The following CFAP43 variants were observed in gnomAD, a reference collection of about 807,000 sequenced individuals.
CFAP43 encodes cilia- and flagella-associated protein 43.
CFAP43 carries 155 observed loss-of-function variants against 218.9 expected under a neutral mutation model. The observed-to-expected ratio is 0.71, with a 90% CI of 0.62 to 0.81. CFAP43 has a LOEUF of 0.81. CFAP43 is among the 30% of genes least tolerant of loss of function. The pLI is 0.00. For missense variants in CFAP43, 1,778 were observed against 1,954.3 expected (o/e 0.91, Z 1.70); for synonymous variants, 645 against 681.3 (o/e 0.95, Z 0.83).
At chr10:104,139,461 A>G (rs888961800) in intron 34 of CFAP43, among the ~76,000 whole-genome samples, 2 of 152,222 alleles carry the variant, frequency 1.3e-5, no homozygotes, top group Non-Finnish European at 2.9e-5. Flanking sequence ...GCTGAAAAAC[A>G]AATAAAAAAT....
chr10:104,219,071 C>G (rs2091105224), intron 3 of CFAP43, among the ~76,000 whole-genome samples: 1 of 152,106 alleles, frequency 6.6e-6, no homozygotes, highest in Non-Finnish European at 1.5e-5. Context: ...TTGTTCATCT[C>G]AAGCACTCTC....
intron 12 of CFAP43, among the ~76,000 whole-genome samples, chr10:104,190,128 T>C (rs1589742553): frequency 9.9e-6 from 1 of 100,826 alleles, no homozygotes; most frequent in African/African-American, 4.1e-5. Flanking sequence ...AGAGCGAGAC[T>C]CCATCTCAAA....
chr10:104,149,706 G>A (rs1414136249), intron 28 of CFAP43, among the ~76,000 whole-genome samples: 3 of 152,042 alleles, frequency 2.0e-5, no homozygotes, highest in Non-Finnish European at 4.4e-5. Flanking sequence ...TAGTCTGTTA[G>A]TTTCCTCATT....
At chr10:104,131,207 A>G (rs940328282) in intron 37 of CFAP43, 124 bp downstream of exon 37, 3 of 1,214,492 alleles carry the variant, frequency 2.5e-6, no homozygotes, top group South Asian at 2.9e-5. Context: ...AAAAGTTGAA[A>G]TTATTTTAAA....
intron 21 of CFAP43, among the ~76,000 whole-genome samples, chr10:104,168,489 G>A (rs2089275656): frequency 2.0e-5 from 3 of 152,140 alleles, no homozygotes; most frequent in Admixed American, 2.0e-4. Context: ...TGCAGTGGGT[G>A]CCTGAGAGGA....
chr10:104,196,881 C>T lies in CFAP43; in HGVS notation c.1265G>A (p.Cys422Tyr). 1 of 1,613,046 alleles carries T rather than the reference C, an allele frequency of 6.2e-7. No individual in the cohort carries two copies. The highest frequency in any genetic ancestry group is 1.1e-5 in the South Asian group (1 of 90,932). The change falls in exon 10 of 38, where the codon TGT becomes TAT. Residue 422 changes from cysteine to tyrosine, a missense_variant. Coordinates refer to ENST00000357060, the MANE Select transcript of CFAP43 (RefSeq NM_025145.7). ...ICVWWLEDCA[C>Y]VSKIYLNTLA... ...GGTATTCAGATAAATCTTGCTTACA[C>T]AAGCACAATCCTCCAGCCACCAAAC...
At chr10:104,161,396 C>T (rs1199038100) in intron 26 of CFAP43, among the ~76,000 whole-genome samples, 2 of 152,104 alleles carry the variant, frequency 1.3e-5, no homozygotes, top group Non-Finnish European at 2.9e-5. Context: ...GTGATAGACT[C>T]AGAGGGGTGT....
chr10:104,200,659 A>G (rs928441139), intron 8 of CFAP43, among the ~76,000 whole-genome samples: 1 of 144,942 alleles, frequency 6.9e-6, no homozygotes, highest in African/African-American at 2.6e-5. Context: ...TGACAGAGCA[A>G]GACTCTGTCT....
At chr10:104,150,539 C>T (rs2088202547) in intron 28 of CFAP43, among the ~76,000 whole-genome samples, 1 of 152,112 alleles carries the variant, frequency 6.6e-6, no homozygotes, top group Non-Finnish European at 1.5e-5. Flanking sequence ...TAAATGTAAC[C>T]TTTTCAGTGT....
Position 104,161,104 on chromosome 10 carries a change from C to T in CFAP43, c.3473G>A (p.Arg1158Lys). 6.2e-7 allele frequency: 1 copy of T among 1,613,496 alleles called. No individual in the cohort carries two copies. Among genetic ancestry groups the T allele is most frequent in the Non-Finnish European group, 8.5e-7 (1 of 1,179,706 alleles). Residue 1158 changes from arginine to lysine, a missense_variant, in exon 27 of 38, where the codon AGA (arginine) becomes AAA (lysine). Arg to Lys is a conservative substitution (Grantham distance 26, BLOSUM62 2). Coordinates refer to ENST00000357060, the MANE Select transcript of CFAP43 (RefSeq NM_025145.7). ...KPDAVWTEEE[R>K]KQFKDYEKKV... The stretch of plus-strand genomic sequence containing the variant: ...TTTCTCATAATCTTTGAATTGTTTT[C>T]TTTCTTCTTCAGTCCACACAGCATC...
intron 8 of CFAP43, among the ~76,000 whole-genome samples, chr10:104,200,670 C>CAAA (rs71022722): frequency 3.1e-4 from 7 of 22,630 alleles, no homozygotes; most frequent in East Asian, 1.2e-3. Flanking sequence ...GACTCTGTCT[C>CAAA]AAAAAAAAAA....
intron 17 of CFAP43, among the ~76,000 whole-genome samples, chr10:104,181,754 G>A (rs1400629313): frequency 5.3e-5 from 8 of 152,092 alleles, no homozygotes; most frequent in Non-Finnish European, 1.5e-5. Context: ...TTTTAATTCA[G>A]ATCTCAGCTT....
chr10:104,224,267 TCTC>T (rs2091254421), intron 3 of CFAP43, among the ~76,000 whole-genome samples: 1 of 151,648 alleles, frequency 6.6e-6, no homozygotes, highest in African/African-American at 2.4e-5. Context: ...ATGGTCTCGA[TCTC>T]CTGACCTCGT....
At chr10:104,134,597 A>G (rs1188766276) in intron 34 of CFAP43, among the ~76,000 whole-genome samples, 1 of 152,188 alleles carries the variant, frequency 6.6e-6, no homozygotes, top group Non-Finnish European at 1.5e-5. Context: ...AGAGAATACT[A>G]TGAAAATTCT....
chr10:104,178,082 T>C (rs2089693731), intron 19 of CFAP43, among the ~76,000 whole-genome samples: 1 of 152,110 alleles, frequency 6.6e-6, no homozygotes, highest in African/African-American at 2.4e-5. Flanking sequence ...CAGTCCTGCA[T>C]AGGAAGCTAC....
intron 17 of CFAP43, among the ~76,000 whole-genome samples, chr10:104,180,515 G>A (rs2134872450): frequency 6.9e-6 from 1 of 145,200 alleles, no homozygotes; most frequent in South Asian, 2.2e-4. Flanking sequence ...GTATGATCTT[G>A]GCTCACTGCA....
At chr10:104,152,226 ATTACAATTCAG>A (rs1382495200) in intron 28 of CFAP43, among the ~76,000 whole-genome samples, 2 of 152,226 alleles carry the variant, frequency 1.3e-5, no homozygotes, top group Non-Finnish European at 2.9e-5. Flanking sequence ...TCTCACATAA[ATTACAATTCAG>A]TAGCAATGAA....
At position 104,133,715 on chromosome 10, in the gene CFAP43, C is replaced by T; in HGVS notation, c.4501G>A (p.Glu1501Lys). ...KDVHKRILQIEWEHKKMEMER... is the reference protein window; with the variant it reads ...KDVHKRILQIKWEHKKMEMER... Reference sequence around the variant, plus strand: ...ATCTCCATTTTCTTATGTTCCCACTCAATCTGAAGTATTCTTTTGTGTACA... The same window carrying T: ...ATCTCCATTTTCTTATGTTCCCACTTAATCTGAAGTATTCTTTTGTGTACA... Residue 1501 changes from glutamate to lysine, a missense_variant, in exon 35 of 38, where the codon GAG becomes AAG. Physicochemically the swap from Glu to Lys is moderately conservative, Grantham distance 56 (BLOSUM62 1). This residue lies in a region of CFAP43 where 211 missense variants were observed against 230.6 expected (regional missense o/e 0.91). Transcript: ENST00000357060. The T allele has an allele frequency of 1.2e-6, 2 of 1,613,762 alleles. No individual in the cohort carries two copies. The highest frequency in any genetic ancestry group is 1.7e-6 in the Non-Finnish European group (2 of 1,179,858).
At position 104,130,201 on chromosome 10, in the gene CFAP43, T is replaced by C. The variant is rs772653200; in HGVS notation, c.4936A>G (p.Ile1646Val). Reference protein sequence around the residue: ...ISKQQAEQISILQTEVERLRM... With the variant: ...ISKQQAEQISVLQTEVERLRM... ...AATCTTTCAACTTCAGTCTGTAGTA[T>C]TGAAATCTGTTCAGCTTGTTGTTTT... The change falls in exon 38 of 38, where the codon ATA (isoleucine) becomes GTA (valine). Residue 1646 changes from isoleucine (I) to valine (V), a missense_variant. Transcript: ENST00000357060. 6 of 1,612,624 alleles carry C rather than the reference T, an allele frequency of 3.7e-6. No individual in the cohort carries two copies. The highest frequency in any genetic ancestry group is 1.1e-5 in the South Asian group (1 of 90,558).
Sources: allele counts gnomAD v4.1 joint callset (sites outside exome capture counted in the v4.1 genomes callset), GRCh38; gene constraint gnomAD v4.1.1; regional missense constraint gnomAD v4.1.1; transcripts MANE v1.5; gene names NCBI Gene and HGNC (gene_info 2026-07-23, HGNC 2026-07-21).